ZNF804B: variants seen among roughly 807,000 people sequenced by gnomAD.
The protein encoded by ZNF804B is zinc finger 804B.
ZNF804B carries 80 observed loss-of-function variants against 101.4 expected under a neutral mutation model. The ratio of observed to expected loss-of-function variants is 0.79; its 90% CI spans 0.66 to 0.95. ZNF804B has a LOEUF of 0.95. Among genes scored for constraint, ZNF804B ranks in the 40% least tolerant of loss-of-function variants. ZNF804B has a pLI of 0.00. For missense variants in ZNF804B, 1,673 were observed against 1,561.9 expected (o/e 1.07, Z -1.20); for synonymous variants, 622 against 558.8 (o/e 1.11, Z -1.59).
At chr7:89,193,385 A>G (rs1029922557) in intron 1 of ZNF804B, among the ~76,000 whole-genome samples, 2 of 151,468 alleles carry the variant, frequency 1.3e-5, no homozygotes, top group African/African-American at 4.9e-5. Context: ...ACATGTATAC[A>G]TGTGCCATGC....
At chr7:88,819,742 A>C (rs1454853130) in intron 1 of ZNF804B, among the ~76,000 whole-genome samples, 2 of 152,214 alleles carry the variant, frequency 1.3e-5, no homozygotes, top group Non-Finnish European at 2.9e-5. Flanking sequence ...AAGTCATTAT[A>C]AAAATACATA....
rs115276107 is a variant in ZNF804B, at chr7:89,247,474, C to T, written c.249+29179C>T. Among the ~76,000 whole-genome samples the T allele has an allele frequency of 5.8e-3, 886 of 152,042 alleles. 9 individuals are homozygous for T. The highest frequency in any genetic ancestry group is 0.02 in the African/African-American group (847 of 41,444). On this transcript the variant is annotated intron_variant, in intron 2 of 3. Transcript: ENST00000333190. The stretch of plus-strand genomic sequence containing the variant: ...CCCAATATTCAACTGCTGACAGAAG[C>T]GCATAAGGCTATAGAAGTAAAACCA...
intron 1 of ZNF804B, among the ~76,000 whole-genome samples, chr7:88,868,896 A>G (rs2115873940): frequency 6.6e-6 from 1 of 152,348 alleles, no homozygotes; most frequent in East Asian, 1.9e-4. Context: ...CATTTTAATG[A>G]TTCAAGTCTA....
intron 1 of ZNF804B, among the ~76,000 whole-genome samples, chr7:89,204,629 G>T (rs1038884860): frequency 1.3e-5 from 2 of 152,158 alleles, no homozygotes; most frequent in Non-Finnish European, 2.9e-5. Flanking sequence ...ATCTCTTCAT[G>T]CAAAGTAAGT....
chr7:89,124,021 A>G (rs1790443096), intron 1 of ZNF804B, among the ~76,000 whole-genome samples: 1 of 152,184 alleles, frequency 6.6e-6, no homozygotes, highest in South Asian at 2.1e-4. Context: ...CTTTGCCTCC[A>G]GAAGGAACCA....
rs1230079304 is a variant in ZNF804B, at chr7:89,334,592, A to C, written c.1610A>C (p.Lys537Thr). The change falls in exon 4 of 4, where the codon AAG (lysine) becomes ACG (threonine). Residue 537 changes from lysine to threonine, a missense_variant. By Grantham distance (78) the Lys-to-Thr change is moderately conservative. Transcript: ENST00000333190. ...GAAGATTATCAATATCCGAAACCAA[A>C]GACGATGATAGCTAATCCGGATTGG... is the stretch of plus-strand genomic sequence containing the variant. ...IQEDYQYPKP[K>T]TMIANPDWEK... 3 of 1,613,682 alleles carry C rather than the reference A, an allele frequency of 1.9e-6. No homozygotes were observed. In the African/African-American group the frequency reaches 4.0e-5, roughly 22 times the overall value.
intron 1 of ZNF804B, among the ~76,000 whole-genome samples, chr7:89,085,973 C>A (rs1409439315): frequency 6.6e-6 from 1 of 151,888 alleles, no homozygotes; most frequent in Non-Finnish European, 1.5e-5. Flanking sequence ...CTCTTTTACA[C>A]TTCACATTTT....
chr7:89,019,867 T>C (rs1173024251), intron 1 of ZNF804B, among the ~76,000 whole-genome samples: 2 of 152,062 alleles, frequency 1.3e-5, no homozygotes, highest in African/African-American at 4.8e-5. Context: ...CTGAGTTTCA[T>C]GTAGACAGTA....
At chr7:89,274,866 C>T (rs1331181439) in intron 2 of ZNF804B, among the ~76,000 whole-genome samples, 1 of 151,896 alleles carries the variant, frequency 6.6e-6, no homozygotes, top group Non-Finnish European at 1.5e-5. Context: ...GATTCCTTCA[C>T]ATCTCCCATC....
intron 1 of ZNF804B, among the ~76,000 whole-genome samples, chr7:89,110,876 C>G (rs1403075663): frequency 6.6e-6 from 1 of 151,794 alleles, no homozygotes; most frequent in Non-Finnish European, 1.5e-5. Context: ...TTTCATTCAT[C>G]TCTCCTCTCC....
chr7:88,965,786 G>A (rs1793444916), intron 1 of ZNF804B, among the ~76,000 whole-genome samples: 1 of 151,410 alleles, frequency 6.6e-6, no homozygotes, highest in Non-Finnish European at 1.5e-5. Context: ...CTATCTAATA[G>A]CATATCATTT....
chr7:88,826,097 C>T (rs533481325), intron 1 of ZNF804B, among the ~76,000 whole-genome samples: 12 of 151,946 alleles, frequency 7.9e-5, no homozygotes, highest in African/African-American at 1.5e-4. Context: ...AAGTGATAAA[C>T]GAATTATGTT....
intron 1 of ZNF804B, among the ~76,000 whole-genome samples, chr7:88,915,248 C>G (rs1408171462): frequency 6.6e-6 from 1 of 152,018 alleles, no homozygotes; most frequent in Non-Finnish European, 1.5e-5. Context: ...TGTACTTATA[C>G]TATACACTGC....
chr7:89,220,441 A>G (rs1788986427), intron 2 of ZNF804B, among the ~76,000 whole-genome samples: 1 of 151,890 alleles, frequency 6.6e-6, no homozygotes, highest in South Asian at 2.1e-4. Flanking sequence ...ATATTTTAAA[A>G]TGAATTGAAA....
At chr7:88,892,011 A>G (rs1185153707) in intron 1 of ZNF804B, among the ~76,000 whole-genome samples, 2 of 152,154 alleles carry the variant, frequency 1.3e-5, no homozygotes, top group African/African-American at 4.8e-5. Flanking sequence ...TTTAACATAT[A>G]AAAGCCTAAA....
chr7:89,110,152 G>T (rs1360893586), intron 1 of ZNF804B, among the ~76,000 whole-genome samples: 3 of 152,260 alleles, frequency 2.0e-5, no homozygotes, highest in South Asian at 2.1e-4. Context: ...TAGGTGGGGT[G>T]CTAGGTAAAG....
intron 1 of ZNF804B, among the ~76,000 whole-genome samples, chr7:88,849,778 T>G (rs1447067933): frequency 3.3e-5 from 5 of 151,694 alleles, no homozygotes; most frequent in African/African-American, 7.2e-5. Flanking sequence ...ACATTTCCAT[T>G]CAAGCCTCAT....
chr7:89,015,212 GT>G (rs145749509), intron 1 of ZNF804B, among the ~76,000 whole-genome samples: 2,658 of 151,788 alleles, frequency 0.018, 82 homozygotes, highest in African/African-American at 0.061. Context: ...CTTTGTTTCT[GT>G]TTTTATGCCA....
chr7:88,996,095 G>A (rs1315887558), intron 1 of ZNF804B, among the ~76,000 whole-genome samples: 2 of 152,002 alleles, frequency 1.3e-5, no homozygotes, highest in Non-Finnish European at 2.9e-5. Flanking sequence ...AAAGCTGCAC[G>A]AAGTATGGAC....
Sources: allele counts gnomAD v4.1 joint callset (sites outside exome capture counted in the v4.1 genomes callset), GRCh38; gene constraint gnomAD v4.1.1; transcripts MANE v1.5; gene names NCBI Gene and HGNC (gene_info 2026-07-23, HGNC 2026-07-21).